The following ACCS variants were observed in gnomAD, a reference collection of about 807,000 sequenced individuals.
The protein encoded by ACCS is 1-aminocyclopropane-1-carboxylate synthase-like protein 1.
Under a neutral mutation model 59.8 loss-of-function variants are expected in ACCS, and 42 were observed. That is an observed-to-expected ratio of 0.70 (90% CI 0.55 to 0.91). ACCS has a LOEUF of 0.91. Among genes scored for constraint, ACCS ranks in the 40% least tolerant of loss-of-function variants. The pLI is 0.00. For synonymous variants in ACCS, 230 were observed against 240.3 expected (o/e 0.96, Z 0.40); for missense variants, 602 against 630.4 (o/e 0.95, Z 0.48).
chr11:44,075,510 G>C lies in ACCS; in HGVS notation c.490-16G>C, dbSNP rs776207337. 4 of 1,613,648 alleles carry C rather than the reference G, an allele frequency of 2.5e-6. No individual in the cohort carries two copies. The highest frequency in any genetic ancestry group is 3.4e-6 in the Non-Finnish European group (4 of 1,179,682). On this transcript the variant is annotated splice_polypyrimidine_tract_variant and intron_variant, in intron 5 of 14. Coordinates refer to ENST00000263776, the MANE Select transcript of ACCS (RefSeq NM_032592.4). ...GGAACTGGTTCATCTTCATCCCTTG[G>C]ATATGTCGCCCTTAGGTGGTTGTCC...
At chr11:44,078,872 A>T in intron 9 of ACCS, 88 bp downstream of exon 9, 1 of 1,134,268 alleles carries the variant, frequency 8.8e-7, no homozygotes, top group Non-Finnish European at 1.3e-6. Context: ...TACTCTCTTG[A>T]CCCCACTGTG....
intron 9 of ACCS, chr11:44,079,054 A>G: frequency 2.2e-6 from 1 of 458,596 alleles, no homozygotes; most frequent in Non-Finnish European, 3.9e-6. Flanking sequence ...AATCCTCACA[A>G]CAATGCTATC....
chr11:44,083,595 C>G lies in ACCS; in HGVS notation c.1408+18C>G. The G allele has an allele frequency of 6.2e-7, 1 of 1,614,200 alleles. No individual in the cohort carries two copies. Among genetic ancestry groups the G allele is most frequent in the Non-Finnish European group, 8.5e-7 (1 of 1,180,044 alleles). On this transcript the variant is annotated intron_variant, in intron 14 of 14. Transcript: ENST00000263776. ...TTGCCTGGGTGAGCAGCCTGCCTTT[C>G]CAGCCCAGTCCTAACTGCAGCCTTC...
At chr11:44,076,370 C>A (rs958866970) in intron 6 of ACCS, among the ~76,000 whole-genome samples, 1 of 152,216 alleles carries the variant, frequency 6.6e-6, no homozygotes, top group Non-Finnish European at 1.5e-5. Flanking sequence ...TTCATTTAAT[C>A]CTCACAATAC....
chr11:44,081,130 G>A, intron 11 of ACCS, 49 bp from the exon 12 acceptor site: 1 of 1,614,200 alleles, frequency 6.2e-7, no homozygotes, highest in Non-Finnish European at 8.5e-7. Context: ...GGTGGAACCA[G>A]CTTCCTCCAT....
At chr11:44,068,060 T>A in intron 2 of ACCS, 145 bp downstream of exon 2, 1 of 875,188 alleles carries the variant, frequency 1.1e-6, no homozygotes, top group Non-Finnish European at 1.7e-6. Context: ...CTGATGTAGC[T>A]TAGAGAGGCC....
chr11:44,074,728 C>G, intron 5 of ACCS, 47 bp downstream of exon 5: 1 of 1,091,300 alleles, frequency 9.2e-7, no homozygotes, highest in Non-Finnish European at 1.2e-6. Context: ...TGCCTCCCCT[C>G]TCCATCTCTT....
intron 5 of ACCS, among the ~76,000 whole-genome samples, chr11:44,074,949 C>T (rs1471602913): frequency 2.0e-5 from 3 of 151,362 alleles, no homozygotes; most frequent in Non-Finnish European, 4.4e-5. Flanking sequence ...CTCAGCCTCC[C>T]GAGTAGGTGG....
intron 4 of ACCS, among the ~76,000 whole-genome samples, chr11:44,074,371 G>A (rs868774231): frequency 6.6e-6 from 1 of 151,992 alleles, no homozygotes; most frequent in Non-Finnish European, 1.5e-5. Context: ...CATGGAGGGT[G>A]TTACTTTTGA....
Position 44,083,307 on chromosome 11 carries a change from G to C in ACCS, c.1250G>C (p.Arg417Thr). 6.2e-7 allele frequency: 1 copy of C among 1,614,134 alleles called. No individual in the cohort carries two copies. The highest frequency in any genetic ancestry group is 1.1e-5 in the South Asian group (1 of 91,082). Reference sequence around the variant, plus strand: ...GGCTTCTTCATCTGGGTTGACTTGAGAAAGGTAATGCTGGTGGAGGTGCGG... The same window carrying C: ...GGCTTCTTCATCTGGGTTGACTTGACAAAGGTAATGCTGGTGGAGGTGCGG... ...GAGFFIWVDL[R>T]KYLPKGTFEE... Residue 417 changes from arginine (R) to threonine (T), a missense_variant, in exon 13 of 15, where the codon AGA (arginine) becomes ACA (threonine). By Grantham distance (71) the Arg-to-Thr change is moderately conservative. Transcript: ENST00000263776.
intron 2 of ACCS, among the ~76,000 whole-genome samples, chr11:44,070,564 G>T (rs1953002247): frequency 6.6e-6 from 1 of 152,148 alleles, no homozygotes; most frequent in Non-Finnish European, 1.5e-5. Flanking sequence ...TAACTCAGGG[G>T]TCAGCAGTTA....
chr11:44,078,409 G>C (rs187693053), intron 8 of ACCS: 58 of 416,820 alleles, frequency 1.4e-4, no homozygotes, highest in Non-Finnish European at 2.3e-4. Flanking sequence ...CATACTCACT[G>C]TAGGAATTTT....
chr11:44,072,194 G>C (rs1016183038), intron 3 of ACCS: 2 of 128,054 alleles, frequency 1.6e-5, no homozygotes, highest in African/African-American at 5.6e-5. Context: ...GTCTTACTCT[G>C]TTGCCCAGGC....
intron 7 of ACCS, chr11:44,077,577 T>G: frequency 2.8e-6 from 4 of 1,438,416 alleles, no homozygotes; most frequent in Non-Finnish European, 3.6e-6. Context: ...CTGGGGTTGA[T>G]GTAGAAGCCA....
Position 44,077,574 on chromosome 11 carries a change from T to C in ACCS, c.654+198T>C, listed in dbSNP as rs911407820. 19 of 1,439,318 alleles carry C rather than the reference T, an allele frequency of 1.3e-5. No individual in the cohort carries two copies. In the African/African-American group the frequency reaches 2.7e-4, roughly 21 times the overall value. 89.2% of individuals were successfully genotyped at this position (1,439,318 alleles called of 1,614,324 possible). A position where few individuals can be genotyped will look rare whatever the true frequency, so the allele number is the denominator to read the frequency against. On this transcript the variant is annotated intron_variant, in intron 7 of 14. Coordinates refer to ENST00000263776, the MANE Select transcript of ACCS (RefSeq NM_032592.4). ...TTCCAGTCTCTGAGATCCCTGGGGT[T>C]GATGTAGAAGCCAAGAGCCAGACCC...
At chr11:44,068,862 A>G (rs1040034134) in intron 2 of ACCS, among the ~76,000 whole-genome samples, 25 of 152,260 alleles carry the variant, frequency 1.6e-4, no homozygotes, top group African/African-American at 6.0e-4. Flanking sequence ...GAACAGAAAC[A>G]AAGTTCTTAT....
intron 5 of ACCS, among the ~76,000 whole-genome samples, chr11:44,075,032 C>T (rs1953285315): frequency 6.6e-6 from 1 of 151,776 alleles, no homozygotes; most frequent in Non-Finnish European, 1.5e-5. Flanking sequence ...CCATGTTGGT[C>T]AGGCTGGTCT....
In ACCS at chr11:44,078,176, C is replaced by G. The variant is rs537671464; in HGVS notation, c.732+254C>G. The G allele has an allele frequency of 1.0e-4, 52 of 503,118 alleles. No homozygotes were observed. In the East Asian group the frequency reaches 1.6e-3, roughly 15 times the overall value. The allele number at this position is 503,118 out of a possible 1,614,324, so 31.2% of individuals were successfully genotyped here. On this transcript the variant is annotated intron_variant, in intron 8 of 14. Transcript: ENST00000263776. The stretch of plus-strand genomic sequence containing the variant: ...CCAGGGAGCATCACTAAAGATACCC[C>G]CATCCCTGATCCATCTGATTATGAT...
rs1233037550 is a variant in ACCS at position 44,077,879 on chromosome 11, C to G, written c.689C>G (p.Thr230Arg). 8.7e-6 allele frequency: 14 copies of G among 1,614,018 alleles called. No homozygotes were observed. Among genetic ancestry groups the G allele is most frequent in the Non-Finnish European group, 1.2e-5 (14 of 1,179,976 alleles). The change falls in exon 8 of 15, where the codon ACA becomes AGA. Residue 230 changes from threonine (T) to arginine (R), a missense_variant. By Grantham distance (71) the Thr-to-Arg change is moderately conservative. Coordinates refer to ENST00000263776, the MANE Select transcript of ACCS (RefSeq NM_032592.4). ...TGLDTRPFQL[T>R]VEKLEMALRE... ...CTAGACACACGCCCCTTCCAGCTCA[C>G]AGTGGAGAAGCTGGAGATGGCCCTG... is the stretch of plus-strand genomic sequence containing the variant.
Sources: allele counts gnomAD v4.1 joint callset (sites outside exome capture counted in the v4.1 genomes callset), GRCh38; gene constraint gnomAD v4.1.1; transcripts MANE v1.5; gene names NCBI Gene and HGNC (gene_info 2026-07-23, HGNC 2026-07-21).